The following BRSK2 variants were observed in gnomAD, a reference collection of about 807,000 sequenced individuals.
BRSK2 encodes the protein serine/threonine-protein kinase BRSK2.
BRSK2 carries 19 observed loss-of-function variants against 83.3 expected under a neutral mutation model. That is an observed-to-expected ratio of 0.23 (90% CI 0.16 to 0.33). The LOEUF (loss-of-function observed/expected upper bound fraction) is 0.33. Among genes scored for constraint, BRSK2 ranks in the 10% least tolerant of loss-of-function variants. The pLI is 1.00. For synonymous variants in BRSK2, 519 were observed against 435.4 expected, an observed-to-expected ratio of 1.19 and a Z score of -2.39; for missense variants, 798 against 1,042.3, an observed-to-expected ratio of 0.77 and a Z score of 3.23.
chr11:1,457,548 C>T (rs1284989482), intron 18 of BRSK2, among the ~76,000 whole-genome samples: 2 of 152,212 alleles, frequency 1.3e-5, no homozygotes, highest in Non-Finnish European at 2.9e-5. Flanking sequence ...TGGGCACATG[C>T]ATGGGCCTGG....
At chr11:1,457,176 C>T in intron 18 of BRSK2, 2 of 837,510 alleles carry the variant, frequency 2.4e-6, no homozygotes, top group Non-Finnish European at 3.6e-6. Context: ...GCCAAGCATG[C>T]CCCGGGCGGC....
At chr11:1,401,762 G>A (rs145158877) in intron 1 of BRSK2, among the ~76,000 whole-genome samples, 4 of 152,230 alleles carry the variant, frequency 2.6e-5, no homozygotes, top group Non-Finnish European at 5.9e-5. Context: ...TTCGGGAGGC[G>A]GAGAGGCCCT....
chr11:1,437,295 C>G (rs769702197), intron 2 of BRSK2, among the ~76,000 whole-genome samples: 1 of 152,152 alleles, frequency 6.6e-6, no homozygotes, highest in African/African-American at 2.4e-5. Flanking sequence ...GGCTGGCCAA[C>G]TCGCCAGGGC....
At chr11:1,407,730 G>C (rs1846992509) in intron 1 of BRSK2, among the ~76,000 whole-genome samples, 2 of 152,230 alleles carry the variant, frequency 1.3e-5, no homozygotes. Context: ...ATTGAATTGT[G>C]AAAACCAGTT....
chr11:1,446,071 G>GGGAGCTGA lies in BRSK2; in HGVS notation c.1226+165_1226+166insGAGCTGAG, dbSNP rs748851581. Among the ~76,000 whole-genome samples the GGGAGCTGA allele has an allele frequency of 4.5e-3, 643 of 144,124 alleles. 10 individuals are homozygous for GGGAGCTGA. Among genetic ancestry groups the GGGAGCTGA allele is most frequent in the African/African-American group, 0.016 (605 of 37,562 alleles). The allele number at this position is 144,124 out of a possible 152,430, so 94.6% of individuals were successfully genotyped here. A position where few individuals can be genotyped will look rare whatever the true frequency, so the allele number is the denominator to read the frequency against. On this transcript the variant is annotated intron_variant, in intron 12 of 19. Transcript: ENST00000528841. Reference sequence around the variant, plus strand: ...AGCTGGGCTGGGCTGGGCTGGGCTTGGCTGGGCTGGGCTGGGCTTAGCTGG... The same window carrying GGGAGCTGA: ...AGCTGGGCTGGGCTGGGCTGGGCTTGGGAGCTGAGCTGGGCTGGGCTGGGCTTAGCTGG...
intron 1 of BRSK2, among the ~76,000 whole-genome samples, chr11:1,425,147 C>T (rs567275468): frequency 2.0e-5 from 3 of 152,230 alleles, no homozygotes; most frequent in African/African-American, 2.4e-5. Context: ...CGTGGCCGGT[C>T]GGTCCCGGCG....
intron 1 of BRSK2, among the ~76,000 whole-genome samples, chr11:1,400,643 C>T (rs866606591): frequency 1.3e-5 from 2 of 150,316 alleles, no homozygotes; most frequent in East Asian, 1.9e-4. Context: ...GTGTCACACA[C>T]GTGCAGGTGG....
Position 1,459,786 on chromosome 11 carries a change from T to C in BRSK2, c.1987+547T>C, listed in dbSNP as rs528293882. Among the ~76,000 whole-genome samples the C allele has an allele frequency of 9.9e-5, 15 of 152,266 alleles. No homozygotes were observed. The South Asian group carries it at 1.2e-3, about 13-fold the overall frequency. On this transcript the variant is annotated intron_variant, in intron 19 of 19. Coordinates refer to ENST00000528841, the MANE Select transcript of BRSK2 (RefSeq NM_001256627.2). ...ATCCCAGGGACCCGGGACATGACTC[T>C]AGCTGCTTGCCCCCAGCCCCCCAGC...
At position 1,438,457 on chromosome 11, in the gene BRSK2, G is replaced by T. The variant is rs1850636198; in HGVS notation, c.272+66G>T. 2 of 1,476,376 alleles carry T rather than the reference G, an allele frequency of 1.4e-6. No homozygotes were observed. The highest frequency in any genetic ancestry group is 1.9e-6 in the Non-Finnish European group (2 of 1,058,580). The allele number at this position is 1,476,376 out of a possible 1,614,324, so 91.5% of individuals were successfully genotyped here. A position where few individuals can be genotyped will look rare whatever the true frequency, so the allele number is the denominator to read the frequency against. On this transcript the variant is annotated intron_variant, in intron 3 of 19. Coordinates refer to ENST00000528841, the MANE Select transcript of BRSK2 (RefSeq NM_001256627.2). The surrounding 1 kb of genome is among the most constrained non-coding windows in gnomAD (Gnocchi z 6.4). ...GGCAGCTGTCGCTGCAGGGGTGGGT[G>T]TCTGGGGCTTGGGGAGCACAGGGGC...
intron 1 of BRSK2, among the ~76,000 whole-genome samples, chr11:1,424,737 C>CGG (rs113753237): frequency 0.01 from 1,561 of 151,306 alleles, 31 homozygotes; most frequent in Admixed American, 0.055. Context: ...CAGAGGGAGT[C>CGG]GGGGGGGCCA....
intron 1 of BRSK2, among the ~76,000 whole-genome samples, chr11:1,391,453 T>TGGGCCA (rs1033266951): frequency 2.6e-5 from 4 of 151,956 alleles, no homozygotes; most frequent in African/African-American, 9.7e-5. Flanking sequence ...GGAAAGAAAG[T>TGGGCCA]GGGCCAGGCC....
chr11:1,446,075 GGGCTGGGCTGGGCTT>G (rs1376516448), intron 12 of BRSK2, among the ~76,000 whole-genome samples, 168 bp downstream of exon 12: 47 of 106,556 alleles, frequency 4.4e-4, no homozygotes, highest in African/African-American at 1.6e-3. Context: ...GGGCTTGGCT[GGGCTGGGCTGGGCTT>G]AGCTGGGCTG....
intron 18 of BRSK2, among the ~76,000 whole-genome samples, chr11:1,458,675 C>T (rs1042749718): frequency 6.6e-6 from 1 of 152,178 alleles, no homozygotes; most frequent in African/African-American, 2.4e-5. Context: ...GAGGGAGTAG[C>T]CCCTCCCAGG....
intron 1 of BRSK2, chr11:1,410,309 G>A (rs1321245367): frequency 3.0e-5 from 2 of 66,948 alleles, no homozygotes; most frequent in Non-Finnish European, 2.7e-5. Flanking sequence ...CTCGCAGAGC[G>A]GTGACAGTTG....
rs565113176 is a variant in BRSK2, at chr11:1,450,990, C to T, written c.1495+196C>T. ...CTACCTGTCGCACAGGCTGGTATCC[C>T]CTCCAGACATTCTGTGTTCCTGAGT... On this transcript the variant is annotated intron_variant, in intron 14 of 19. Transcript: ENST00000528841. 2.6e-4 allele frequency among the ~76,000 whole-genome samples: 39 copies of T among 152,340 alleles called. 1 individual carries two copies. In the South Asian group the frequency reaches 7.3e-3, roughly 28 times the overall value.
At chr11:1,419,046 G>A (rs1564816256) in intron 1 of BRSK2, among the ~76,000 whole-genome samples, 1 of 152,378 alleles carries the variant, frequency 6.6e-6, no homozygotes, top group East Asian at 1.9e-4. Context: ...CCCAGTTACA[G>A]GTGCGTGTCA....
chr11:1,452,891 C>G (rs1190592042), intron 15 of BRSK2, among the ~76,000 whole-genome samples: 1 of 152,232 alleles, frequency 6.6e-6, no homozygotes, highest in Non-Finnish European at 1.5e-5. Flanking sequence ...ACCCCCAGCC[C>G]CAGCTGCTGC....
intron 1 of BRSK2, among the ~76,000 whole-genome samples, chr11:1,413,274 G>C (rs1371428663): frequency 6.6e-6 from 1 of 151,994 alleles, no homozygotes. Flanking sequence ...TGACCCCACT[G>C]TCCACTGGGG....
At chr11:1,401,051 G>A (rs1418121576) in intron 1 of BRSK2, among the ~76,000 whole-genome samples, 3 of 152,250 alleles carry the variant, frequency 2.0e-5, no homozygotes, top group African/African-American at 4.8e-5. Flanking sequence ...CCACCGTTGG[G>A]CATCAGGGAG....
Sources: gnomAD v4.1 joint callset for allele counts (sites outside exome capture counted in the v4.1 genomes callset) on GRCh38, gnomAD v4.1.1 for gene constraint, Gnocchi (gnomAD v3.1) non-coding constraint, MANE v1.5 for transcripts, NCBI Gene and HGNC (gene_info 2026-07-23, HGNC 2026-07-21) for gene names.